DTYMK: variants seen among roughly 807,000 people sequenced by gnomAD.
DTYMK encodes thymidylate kinase.
Under a neutral mutation model 20.3 loss-of-function variants are expected in DTYMK, and 20 were observed. The ratio of observed to expected loss-of-function variants is 0.99; its 90% confidence interval spans 0.69 to 1.43. DTYMK has a LOEUF of 1.43. DTYMK is among the 40% of genes most tolerant of loss of function. The pLI is 0.00. For synonymous variants in DTYMK, 148 were observed against 124.4 expected, an observed-to-expected ratio of 1.19 and a Z score of -1.27; for missense variants, 320 against 291.1, an observed-to-expected ratio of 1.10 and a Z score of -0.72.
chr2:241,684,097 G>A (rs1334269053), intron 2 of DTYMK, among the ~76,000 whole-genome samples: 1 of 151,934 alleles, frequency 6.6e-6, no homozygotes, highest in East Asian at 1.9e-4. Context: ...AAACTATCAA[G>A]CCACAGTTAG....
At chr2:241,680,963 A>C (rs968209374) in intron 2 of DTYMK, among the ~76,000 whole-genome samples, 6 of 152,194 alleles carry the variant, frequency 3.9e-5, no homozygotes, top group Non-Finnish European at 8.8e-5. Flanking sequence ...GAGGAAGAAG[A>C]AAGCACAGGC....
At position 241,676,246 on chromosome 2, in the gene DTYMK, AC is replaced by A. The variant is rs765512619; in HGVS notation, c.529-10del. ...TTGGAAGCATCCACCATCTGTTCCC[AC>A]CGGGGTTTCAGGAGAAAAAGAGGCT... On this transcript the variant is annotated splice_polypyrimidine_tract_variant and intron_variant, in intron 4 of 4. Coordinates refer to ENST00000305784, the MANE Select transcript of DTYMK (RefSeq NM_012145.4). 1.2e-6 allele frequency: 2 copies of A among 1,606,774 alleles called. No homozygotes were observed. Among genetic ancestry groups the A allele is most frequent in the African/African-American group, 2.7e-5 (2 of 74,798 alleles).
chr2:241,683,250 CACTG>C (rs2069307267), intron 2 of DTYMK, among the ~76,000 whole-genome samples: 1 of 152,212 alleles, frequency 6.6e-6, no homozygotes, highest in African/African-American at 2.4e-5. Context: ...AACATCCAAA[CACTG>C]ACAACACCAA....
At chr2:241,678,405 T>G in intron 4 of DTYMK, 47 bp downstream of exon 4, 8 of 1,610,972 alleles carry the variant, frequency 5.0e-6, no homozygotes, top group Non-Finnish European at 5.1e-6. Flanking sequence ...GGTGTCATCC[T>G]GAGCCACTTC....
chr2:241,680,123 G>A (rs987591972), intron 3 of DTYMK, 106 bp downstream of exon 3: 29 of 1,048,206 alleles, frequency 2.8e-5, no homozygotes, highest in Admixed American at 1.9e-4. Flanking sequence ...TAAGAATCAC[G>A]AAACTCTGCA....
chr2:241,680,404 C>A lies in DTYMK; in HGVS notation c.240-85G>T. ...TTAAATTATCCCAACAGGCTGTGCG[C>A]AGTGGCTCACCCCTATAATCCCAGC... On this transcript the variant is annotated intron_variant, in intron 2 of 4. Coordinates refer to ENST00000305784, the MANE Select transcript of DTYMK (RefSeq NM_012145.4). 3.5e-6 allele frequency: 5 copies of A among 1,443,522 alleles called. No homozygotes were observed. The Admixed American group carries it at 7.1e-5, about 21-fold the overall frequency. The allele number at this position is 1,443,522 out of a possible 1,614,324, so 89.4% of individuals were successfully genotyped here. A position where few individuals can be genotyped will look rare whatever the true frequency, so the allele number is the denominator to read the frequency against.
rs144644995 is a variant in DTYMK at position 241,682,454 on chromosome 2, T to C, written c.240-2135A>G. Reference sequence around the variant, plus strand: ...CTGTTATCTAAAGCATACAAAGAATTCTTAAAACTCAAAAATAAGAAATCA... The same window carrying C: ...CTGTTATCTAAAGCATACAAAGAATCCTTAAAACTCAAAAATAAGAAATCA... On this transcript the variant is annotated intron_variant, in intron 2 of 4. Transcript: ENST00000305784. 2.3e-3 allele frequency: 652 copies of C among 278,982 alleles called. 2 individuals carry two copies. The highest frequency in any genetic ancestry group is 4.9e-3 in the Middle Eastern group (8 of 1,634). 17.3% of individuals were successfully genotyped at this position (278,982 alleles called of 1,614,324 possible). A position where few individuals can be genotyped will look rare whatever the true frequency, so the allele number is the denominator to read the frequency against.
intron 3 of DTYMK, 135 bp from the exon 4 acceptor site, chr2:241,678,784 T>A: frequency 2.0e-6 from 2 of 1,014,502 alleles, no homozygotes; most frequent in Non-Finnish European, 2.9e-6. Context: ...GTGGCTCGTT[T>A]AATTTTTAGA....
chr2:241,677,836 G>T (rs1296124348), intron 4 of DTYMK, among the ~76,000 whole-genome samples: 1 of 152,214 alleles, frequency 6.6e-6, no homozygotes, highest in African/African-American at 2.4e-5. Flanking sequence ...CCAGCGAGAG[G>T]CCGCACCAGA....
chr2:241,676,427 A>G (rs1178260624), intron 4 of DTYMK, among the ~76,000 whole-genome samples, 190 bp from the exon 5 acceptor site: 2 of 151,938 alleles, frequency 1.3e-5, no homozygotes, highest in African/African-American at 2.4e-5. Context: ...GCACCACTCT[A>G]CTCCAGCCTG....
At chr2:241,682,675 A>G (rs1305977098) in intron 2 of DTYMK, 4 of 175,548 alleles carry the variant, frequency 2.3e-5, no homozygotes, top group African/African-American at 7.2e-5. Flanking sequence ...TAATCCCAGC[A>G]CTTTGGGAGG....
chr2:241,678,676 AG>A (rs557168850), intron 3 of DTYMK, 27 bp from the exon 4 acceptor site: 1 of 1,611,570 alleles, frequency 6.2e-7, no homozygotes, highest in South Asian at 1.1e-5. Context: ...CAACAGTTAA[AG>A]CTTAGTGTAG....
chr2:241,686,673 G>C lies in DTYMK; in HGVS notation c.111C>G (p.Ala37=). The C allele has an allele frequency of 6.5e-7, 1 of 1,526,790 alleles. No homozygotes were observed. Among genetic ancestry groups the C allele is most frequent in the Non-Finnish European group, 8.7e-7 (1 of 1,148,412 alleles). The allele number at this position is 1,526,790 out of a possible 1,614,324, so 94.6% of individuals were successfully genotyped here. The change falls in exon 1 of 5, where the codon GCC becomes GCG. Residue 37 remains alanine (A), a synonymous_variant. Coordinates refer to ENST00000305784, the MANE Select transcript of DTYMK (RefSeq NM_012145.4). The part of the protein sequence containing the change: ...VEALCAAGHR[A]ELLRFPERST... ...ACCCACCCGGGAACCGGAGCAGTTC[G>C]GCGCGGTGGCCCGCGGCGCACAGCG...
At chr2:241,682,119 GC>G in intron 2 of DTYMK, 1 of 380,194 alleles carries the variant, frequency 2.6e-6, no homozygotes, top group Admixed American at 3.0e-5. Context: ...CAGGAGGACT[GC>G]TTGGGTCCAG....
intron 3 of DTYMK, 81 bp downstream of exon 3, chr2:241,680,148 A>G: frequency 7.8e-7 from 1 of 1,282,174 alleles, no homozygotes; most frequent in Non-Finnish European, 1.1e-6. Flanking sequence ...AATCTGAGGC[A>G]TGTCACTCGT....
At chr2:241,684,687 A>C in intron 2 of DTYMK, 1 of 460,652 alleles carries the variant, frequency 2.2e-6, no homozygotes, top group Non-Finnish European at 4.5e-6. Flanking sequence ...ATGTATATAA[A>C]TGTAAATAAA....
intron 2 of DTYMK, chr2:241,682,198 C>T (rs971772246): frequency 8.9e-6 from 4 of 450,538 alleles, no homozygotes; most frequent in Non-Finnish European, 1.8e-5. Flanking sequence ...CAAAAATTAG[C>T]CAGGTGTGTT....
intron 2 of DTYMK, among the ~76,000 whole-genome samples, chr2:241,684,510 TAG>T (rs1481287410): frequency 6.6e-6 from 1 of 152,200 alleles, no homozygotes; most frequent in Admixed American, 6.5e-5. Flanking sequence ...ACCGTGGTTC[TAG>T]AGACAATGCG....
At chr2:241,678,684 G>T in intron 3 of DTYMK, 35 bp from the exon 4 acceptor site, 1 of 1,602,896 alleles carries the variant, frequency 6.2e-7, no homozygotes. Context: ...AAAGCTTAGT[G>T]TAGTCTAGGT....
Sources: allele counts gnomAD v4.1 joint callset (sites outside exome capture counted in the v4.1 genomes callset), GRCh38; gene constraint gnomAD v4.1.1; transcripts MANE v1.5; gene names NCBI Gene and HGNC (gene_info 2026-07-23, HGNC 2026-07-21).